SLC25A17: variants seen among roughly 807,000 people sequenced by gnomAD.
SLC25A17 encodes peroxisomal membrane protein PMP34.
SLC25A17 carries 26 observed loss-of-function variants against 38.5 expected under a neutral mutation model. The observed-to-expected ratio is 0.68, with a 90% confidence interval of 0.50 to 0.94. The LOEUF (loss-of-function observed/expected upper bound fraction) is 0.94. Among genes scored for constraint, SLC25A17 ranks in the 40% least tolerant of loss-of-function variants. SLC25A17 has a pLI of 0.00. For synonymous variants in SLC25A17, 139 were observed against 136.2 expected (o/e 1.02, Z -0.14); for missense variants, 333 against 372.7 (o/e 0.89, Z 0.88).
chr22:40,805,630 A>T (rs963032824), intron 1 of SLC25A17, among the ~76,000 whole-genome samples: 5 of 152,118 alleles, frequency 3.3e-5, no homozygotes, highest in African/African-American at 1.2e-4. Context: ...TGATGAGCTT[A>T]AAAAAAGTTC....
intron 1 of SLC25A17, among the ~76,000 whole-genome samples, chr22:40,810,432 C>A (rs1283909481): frequency 1.3e-5 from 2 of 151,152 alleles, no homozygotes; most frequent in African/African-American, 4.9e-5. Context: ...ACTGCAACCT[C>A]CGCCTCCCGG....
intron 1 of SLC25A17, among the ~76,000 whole-genome samples, chr22:40,808,480 A>G (rs889873292): frequency 1.3e-5 from 2 of 152,214 alleles, no homozygotes; most frequent in African/African-American, 4.8e-5. Flanking sequence ...CCTTTTTTCA[A>G]TGAAGACACA....
chr22:40,810,780 G>A (rs1323228667), intron 1 of SLC25A17, among the ~76,000 whole-genome samples: 1 of 152,092 alleles, frequency 6.6e-6, no homozygotes, highest in Non-Finnish European at 1.5e-5. Context: ...CTTCAGAGAG[G>A]CAATTAAATT....
At chr22:40,790,825 C>G (rs981134565) in intron 4 of SLC25A17, among the ~76,000 whole-genome samples, 15 of 152,254 alleles carry the variant, frequency 9.9e-5, no homozygotes, top group African/African-American at 2.6e-4. Flanking sequence ...ATAAACTAAT[C>G]TAAAATGATT....
At chr22:40,773,759 T>C (rs1449609066) in intron 8 of SLC25A17, among the ~76,000 whole-genome samples, 178 bp downstream of exon 8, 1 of 152,224 alleles carries the variant, frequency 6.6e-6, no homozygotes, top group Non-Finnish European at 1.5e-5. Context: ...TTTCCCAAAA[T>C]GCTGTCATAC....
At chr22:40,772,292 ATTCT>A (rs2057191693) in intron 8 of SLC25A17, among the ~76,000 whole-genome samples, 1 of 152,054 alleles carries the variant, frequency 6.6e-6, no homozygotes, top group African/African-American at 2.4e-5. Context: ...CTTTATACAT[ATTCT>A]TTGTCTTTTA....
At chr22:40,814,992 T>C (rs970851056) in intron 1 of SLC25A17, among the ~76,000 whole-genome samples, 15 of 151,942 alleles carry the variant, frequency 9.9e-5, no homozygotes, top group Admixed American at 4.6e-4. Context: ...GCTAATATTT[T>C]GTATTTTTAG....
Position 40,774,293 on chromosome 22 carries a change from G to A in SLC25A17, c.694-274C>T, listed in dbSNP as rs139609874. Among the ~76,000 whole-genome samples, 320 of 145,342 alleles carry A rather than the reference G, an allele frequency of 2.2e-3. 9 individuals are homozygous for A. The East Asian group carries it at 0.056, about 25-fold the overall frequency. On this transcript the variant is annotated intron_variant, in intron 7 of 8. Transcript: ENST00000435456. ...GGCTGGAGTGCAATGGCACAATTTT[G>A]GCTCACTGCAACCTCCACCTCCCAG... is the stretch of plus-strand genomic sequence containing the variant.
intron 2 of SLC25A17, among the ~76,000 whole-genome samples, chr22:40,795,934 C>T (rs138303): frequency 0.65 from 99,309 of 151,900 alleles, 32,911 homozygotes; most frequent in Admixed American, 0.74. Flanking sequence ...ATTACAGGCT[C>T]CTGCCACCAT....
At chr22:40,773,409 CCA>C (rs1491200845) in intron 8 of SLC25A17, among the ~76,000 whole-genome samples, 6 of 72,286 alleles carry the variant, frequency 8.3e-5, no homozygotes, top group African/African-American at 4.0e-4. Flanking sequence ...GACTCTGTCT[CCA>C]AAAAAAAAAA....
At chr22:40,798,205 G>C (rs2057447645) in intron 2 of SLC25A17, 1 of 152,340 alleles carries the variant, frequency 6.6e-6, no homozygotes, top group South Asian at 2.1e-4. Context: ...ATATGGTCTT[G>C]ATCTTTGCCT....
chr22:40,785,310 G>A (rs1328536707), intron 4 of SLC25A17, among the ~76,000 whole-genome samples: 1 of 152,212 alleles, frequency 6.6e-6, no homozygotes, highest in Non-Finnish European at 1.5e-5. Context: ...CTTGAACCTG[G>A]GAGGCGGAGG....
At chr22:40,806,433 ATCCTTTAAATGCTTAGC>A (rs1314639529) in intron 1 of SLC25A17, among the ~76,000 whole-genome samples, 8 of 152,206 alleles carry the variant, frequency 5.3e-5, no homozygotes, top group Non-Finnish European at 8.8e-5. Flanking sequence ...TATAACAAAT[ATCCTTTAAATGCTTAGC>A]TGAGCTTGCA....
chr22:40,798,731 G>A (rs1360201986), intron 2 of SLC25A17, among the ~76,000 whole-genome samples: 1 of 150,272 alleles, frequency 6.7e-6, no homozygotes, highest in Non-Finnish European at 1.5e-5. Context: ...ACTTTGGGAG[G>A]CCAAGGCAGG....
chr22:40,786,615 A>T (rs923816406), intron 4 of SLC25A17, among the ~76,000 whole-genome samples: 1 of 152,254 alleles, frequency 6.6e-6, no homozygotes, highest in African/African-American at 2.4e-5. Context: ...AATAATGACA[A>T]GAAAAAAAGT....
At chr22:40,805,311 C>T (rs2057520334) in intron 1 of SLC25A17, among the ~76,000 whole-genome samples, 1 of 152,206 alleles carries the variant, frequency 6.6e-6, no homozygotes, top group Admixed American at 6.5e-5. Context: ...CAAGTTCGTG[C>T]TACTACACTC....
intron 1 of SLC25A17, among the ~76,000 whole-genome samples, chr22:40,808,999 G>C (rs899450387): frequency 6.6e-6 from 1 of 152,172 alleles, no homozygotes; most frequent in Non-Finnish European, 1.5e-5. Context: ...AAGTCAAAGA[G>C]AGGTTTGCAA....
intron 5 of SLC25A17, 97 bp downstream of exon 5, chr22:40,778,912 G>A (rs1432037985): frequency 9.8e-7 from 1 of 1,021,268 alleles, no homozygotes; most frequent in South Asian, 1.6e-5. Context: ...TCAAAAAGTG[G>A]GCAAAGGATA....
intron 2 of SLC25A17, 64 bp downstream of exon 2, chr22:40,798,956 AAAG>A: frequency 8.4e-7 from 1 of 1,188,236 alleles, no homozygotes; most frequent in Non-Finnish European, 1.2e-6. Flanking sequence ...AAAAAAAAAA[AAAG>A]AAATTACTAG....
Sources: allele counts gnomAD v4.1 joint callset (sites outside exome capture counted in the v4.1 genomes callset), GRCh38; gene constraint gnomAD v4.1.1; transcripts MANE v1.5; gene names NCBI Gene and HGNC (gene_info 2026-07-23, HGNC 2026-07-21).